ITPR2: variants seen among roughly 807,000 people sequenced by gnomAD.
ITPR2 encodes inositol 1,4,5-trisphosphate-gated calcium channel ITPR2.
In ITPR2, 207 loss-of-function variants were observed where a neutral mutation model predicts 317.1. The observed-to-expected ratio is 0.65, with a 90% CI of 0.58 to 0.73. ITPR2 has a LOEUF of 0.73. ITPR2 is among the 30% of genes least tolerant of loss of function. The pLI is 0.00. For synonymous variants in ITPR2, 1,156 were observed against 1,149.1 expected (o/e 1.01, Z -0.12); for missense variants, 2,613 against 3,284.0 (o/e 0.80, Z 4.99).
At chr12:26,532,258 A>G (rs1473987238) in intron 37 of ITPR2, among the ~76,000 whole-genome samples, 4 of 152,274 alleles carry the variant, frequency 2.6e-5, no homozygotes, top group Non-Finnish European at 5.9e-5. Context: ...TATTAAAAGC[A>G]ACCACCAACA....
chr12:26,506,854 A>G (rs1034987384), intron 37 of ITPR2, among the ~76,000 whole-genome samples: 1 of 152,240 alleles, frequency 6.6e-6, no homozygotes, highest in African/African-American at 2.4e-5. Context: ...ACTCAGCAAC[A>G]TAATTCCTAA....
intron 37 of ITPR2, among the ~76,000 whole-genome samples, chr12:26,526,939 C>G (rs1275268251): frequency 2.6e-5 from 4 of 152,156 alleles, no homozygotes; most frequent in African/African-American, 9.7e-5. Context: ...ATGGAGTGGA[C>G]AAGGGAACCA....
intron 39 of ITPR2, among the ~76,000 whole-genome samples, chr12:26,489,368 T>C (rs908311678): frequency 2.6e-5 from 4 of 152,092 alleles, no homozygotes; most frequent in African/African-American, 9.7e-5. Flanking sequence ...GCAGGGAGAA[T>C]CCTCAAGTGA....
chr12:26,389,816 G>A (rs1939778704), intron 54 of ITPR2, among the ~76,000 whole-genome samples: 1 of 152,092 alleles, frequency 6.6e-6, no homozygotes, highest in Non-Finnish European at 1.5e-5. Context: ...TAAAATGATT[G>A]TGTAAGAAAA....
chr12:26,339,232 C>A lies in ITPR2; in HGVS notation c.*165G>T, dbSNP rs1433203703. ...GGTTAGGTCTTCGCAACCATGAAAA[C>A]ACAGTTATAAATTGTTCTCGGAGCT... On this transcript the variant is annotated 3_prime_UTR_variant, in exon 57 of 57. Transcript: ENST00000381340. The A allele has an allele frequency of 3.3e-6, 2 of 603,526 alleles. No individual in the cohort carries two copies. Among genetic ancestry groups the A allele is most frequent in the Non-Finnish European group, 6.0e-6 (2 of 334,778 alleles). 37.4% of individuals were successfully genotyped at this position (603,526 alleles called of 1,614,324 possible).
intron 2 of ITPR2, among the ~76,000 whole-genome samples, chr12:26,751,764 G>A (rs1331324595): frequency 6.6e-6 from 1 of 152,028 alleles, no homozygotes; most frequent in Non-Finnish European, 1.5e-5. Flanking sequence ...TACTTGGGAG[G>A]CTGAGGCAGG....
intron 53 of ITPR2, among the ~76,000 whole-genome samples, chr12:26,399,829 A>T (rs989928308): frequency 6.6e-6 from 1 of 152,222 alleles, no homozygotes; most frequent in Admixed American, 6.5e-5. Flanking sequence ...AACCTCGTTT[A>T]TGTTATTTGT....
chr12:26,402,306 A>G (rs1418769477), intron 52 of ITPR2, among the ~76,000 whole-genome samples: 1 of 152,224 alleles, frequency 6.6e-6, no homozygotes, highest in East Asian at 1.9e-4. Context: ...CTTTGCCACA[A>G]CTGGACTTCC....
chr12:26,606,267 A>G (rs952589009), intron 26 of ITPR2, among the ~76,000 whole-genome samples: 1 of 152,076 alleles, frequency 6.6e-6, no homozygotes, highest in African/African-American at 2.4e-5. Context: ...GACAATAGTG[A>G]TGAAAAATAA....
intron 33 of ITPR2, 66 bp from the exon 34 acceptor site, chr12:26,578,899 A>G: frequency 6.8e-7 from 1 of 1,461,174 alleles, no homozygotes; most frequent in East Asian, 2.3e-5. Context: ...TGTAGCATCT[A>G]TGCATTCTCA....
chr12:26,483,783 T>TAG lies in ITPR2; in HGVS notation c.5925_5926dup (p.Tyr1976SerfsTer8). On this transcript the variant is annotated frameshift_variant, in exon 42 of 57. Coordinates refer to ENST00000381340, the MANE Select transcript of ITPR2 (RefSeq NM_002223.4). LOFTEE classifies it high-confidence loss of function. ...CAGCGCTACATTCTTCTCATTGATG[T>TAG]AGAGACCCAACAGGCCCAGGCCACC... The TAG allele has an allele frequency of 6.2e-7, 1 of 1,614,172 alleles. No homozygotes were observed. The highest frequency in any genetic ancestry group is 8.5e-7 in the Non-Finnish European group (1 of 1,179,978).
chr12:26,666,135 G>GATAGATAGATAGATAGAT, intron 13 of ITPR2, 84 bp from the exon 14 acceptor site: 1 of 411,772 alleles, frequency 2.4e-6, no homozygotes. Context: ...TAGGTAGGTA[G>GATAGATAGATAGATAGAT]AGATAGATAG....
At position 26,656,736 on chromosome 12, in the gene ITPR2, A is replaced by G. The variant is rs74072191; in HGVS notation, c.2193-188T>C. Among the ~76,000 whole-genome samples the G allele has an allele frequency of 3.9e-3, 594 of 152,304 alleles. 4 individuals are homozygous for G. Among genetic ancestry groups the G allele is most frequent in the African/African-American group, 0.013 (560 of 41,556 alleles). On this transcript the variant is annotated intron_variant, in intron 18 of 56. Transcript: ENST00000381340. ...ACAAGACATATATGAAACTGTCTCT[A>G]TGTCCCTTCAGTTACAATACCTCTT...
At chr12:26,419,013 T>C (rs1366988634) in intron 50 of ITPR2, 36 bp downstream of exon 50, 10 of 1,570,116 alleles carry the variant, frequency 6.4e-6, no homozygotes, top group Admixed American at 1.8e-5. Flanking sequence ...TTGTGTACTT[T>C]TTCAGCAGTG....
rs74623121 is a variant in ITPR2 at position 26,620,210 on chromosome 12, T to C, written c.3462+913A>G. On this transcript the variant is annotated intron_variant, in intron 26 of 56. Transcript: ENST00000381340. ...AAGGGAAATAAAGGGCATCTACTTG[T>C]GGCTGCGAGGGCCGCAAAGGAAATC... is the stretch of plus-strand genomic sequence containing the variant. 7.3e-3 allele frequency among the ~76,000 whole-genome samples: 1,112 copies of C among 152,366 alleles called. 15 individuals are homozygous for C. The highest frequency in any genetic ancestry group is 0.025 in the African/African-American group (1,022 of 41,576).
intron 37 of ITPR2, among the ~76,000 whole-genome samples, chr12:26,527,065 G>A (rs1175228887): frequency 6.6e-6 from 1 of 152,152 alleles, no homozygotes; most frequent in Middle Eastern, 3.2e-3. Flanking sequence ...CTCACTTCTA[G>A]TGTCTTAAGC....
At chr12:26,360,167 T>C (rs10842720) in intron 55 of ITPR2, among the ~76,000 whole-genome samples, 44,244 of 152,044 alleles carry the variant, frequency 0.29, 7,704 homozygotes, top group East Asian at 0.6. Flanking sequence ...TTTGTGTATC[T>C]GGACTGCTAC....
At position 26,660,663 on chromosome 12, in the gene ITPR2, G is replaced by A. The variant is rs187387504; in HGVS notation, c.1714-1378C>T. On this transcript the variant is annotated intron_variant, in intron 15 of 56. Coordinates refer to ENST00000381340, the MANE Select transcript of ITPR2 (RefSeq NM_002223.4). ...GATGGCTTTGTGTATTGGGGAGCCAGTTAAGTAAAGTAAATGTCTTCTGTT... is the reference window on the plus strand; with the variant it reads ...GATGGCTTTGTGTATTGGGGAGCCAATTAAGTAAAGTAAATGTCTTCTGTT... 1.0e-3 allele frequency among the ~76,000 whole-genome samples: 153 copies of A among 152,312 alleles called. 1 individual carries two copies. Among genetic ancestry groups the A allele is most frequent in the Non-Finnish European group, 1.1e-3 (78 of 68,034 alleles).
intron 33 of ITPR2, among the ~76,000 whole-genome samples, 154 bp from the exon 34 acceptor site, chr12:26,578,987 AT>A (rs895377899): frequency 2.4e-4 from 37 of 152,312 alleles, no homozygotes; most frequent in Admixed American, 1.6e-3. Flanking sequence ...TTCATGAAAC[AT>A]TTATTAGATA....
Sources: gnomAD v4.1 joint callset for allele counts (sites outside exome capture counted in the v4.1 genomes callset) on GRCh38, gnomAD v4.1.1 for gene constraint, MANE v1.5 for transcripts, NCBI Gene and HGNC (gene_info 2026-07-23, HGNC 2026-07-21) for gene names.